The following GXYLT2 variants were observed in gnomAD, a reference collection of about 807,000 sequenced individuals.
GXYLT2 encodes the protein glucoside xylosyltransferase 2.
In GXYLT2, 53 loss-of-function variants were observed where a neutral mutation model predicts 45.8. The ratio of observed to expected loss-of-function variants is 1.16; its 90% confidence interval spans 0.93 to 1.46. GXYLT2 has a LOEUF of 1.46. GXYLT2 is among the 40% of genes most tolerant of loss of function. GXYLT2 has a pLI of 0.00. For missense variants in GXYLT2, 551 were observed against 544.4 expected (o/e 1.01, Z -0.12); for synonymous variants, 219 against 214.2 (o/e 1.02, Z -0.19).
At chr3:72,950,439 C>T (rs1255994173) in intron 3 of GXYLT2, among the ~76,000 whole-genome samples, 6 of 151,912 alleles carry the variant, frequency 3.9e-5, no homozygotes, top group South Asian at 4.2e-4. Context: ...CCAGCCCAGG[C>T]GACAGTGCGA....
intron 1 of GXYLT2, among the ~76,000 whole-genome samples, chr3:72,889,603 G>T (rs1283718412): frequency 2.6e-5 from 4 of 152,066 alleles, no homozygotes; most frequent in Non-Finnish European, 5.9e-5. Flanking sequence ...AGCCCTTTCT[G>T]GATGTATACA....
At chr3:72,927,482 A>AGTTAG (rs1207268559) in intron 3 of GXYLT2, among the ~76,000 whole-genome samples, 1 of 152,186 alleles carries the variant, frequency 6.6e-6, no homozygotes, top group Non-Finnish European at 1.5e-5. Flanking sequence ...TGTCTTCATG[A>AGTTAG]GTTAGCTGTA....
chr3:72,962,076 CCTTATT>C (rs1710781963), intron 5 of GXYLT2, among the ~76,000 whole-genome samples: 2 of 152,132 alleles, frequency 1.3e-5, no homozygotes, highest in African/African-American at 4.8e-5. Context: ...TCCAGGAGGG[CCTTATT>C]CTCATCCTGC....
chr3:72,895,922 C>T (rs999436390), intron 1 of GXYLT2, among the ~76,000 whole-genome samples: 7 of 152,110 alleles, frequency 4.6e-5, no homozygotes, highest in African/African-American at 1.4e-4. Context: ...ATAATCCAAG[C>T]TTTACATAAG....
intron 3 of GXYLT2, among the ~76,000 whole-genome samples, chr3:72,939,905 C>T (rs986445743): frequency 6.6e-6 from 1 of 152,170 alleles, no homozygotes; most frequent in African/African-American, 2.4e-5. Context: ...TATTCTTGAA[C>T]TCCTAGGCTC....
intron 1 of GXYLT2, among the ~76,000 whole-genome samples, chr3:72,898,022 G>A (rs914047953): frequency 4.6e-5 from 7 of 151,844 alleles, no homozygotes; most frequent in African/African-American, 1.7e-4. Flanking sequence ...ACATATATTG[G>A]GTATAACTCT....
chr3:72,904,665 G>T (rs1053330617), intron 1 of GXYLT2, among the ~76,000 whole-genome samples: 2 of 151,056 alleles, frequency 1.3e-5, no homozygotes, highest in Non-Finnish European at 2.9e-5. Flanking sequence ...AAAGTCAAAT[G>T]GTTTGGGGCC....
rs144164176 is a variant in GXYLT2, at chr3:72,902,897, C to T, written c.276-5470C>T. ...GTGTGGTGGTGGGCACCTGTAATCC[C>T]AGCTACTCGGGAGGCTGAGGCAGGA... On this transcript the variant is annotated intron_variant, in intron 1 of 6. Transcript: ENST00000389617. Among the ~76,000 whole-genome samples, 1,318 of 152,238 alleles carry T rather than the reference C, an allele frequency of 8.7e-3. 24 individuals carry two copies. The highest frequency in any genetic ancestry group is 0.031 in the African/African-American group (1,272 of 41,544).
At chr3:72,934,419 C>A (rs958700967) in intron 3 of GXYLT2, among the ~76,000 whole-genome samples, 3 of 152,046 alleles carry the variant, frequency 2.0e-5, no homozygotes, top group African/African-American at 7.2e-5. Flanking sequence ...TAAATATATT[C>A]TAGGACAACC....
intron 3 of GXYLT2, chr3:72,929,235 A>G: frequency 6.4e-7 from 1 of 1,557,596 alleles, no homozygotes; most frequent in African/African-American, 1.3e-5. Flanking sequence ...GAGGAGAGGG[A>G]ACATGCCGAG....
At chr3:72,961,554 G>C (rs1710769387) in intron 5 of GXYLT2, among the ~76,000 whole-genome samples, 1 of 148,314 alleles carries the variant, frequency 6.7e-6, no homozygotes, top group South Asian at 2.1e-4. Context: ...CACATTCTCT[G>C]TTTGCCCATG....
At chr3:72,925,554 T>G (rs1709904203) in intron 3 of GXYLT2, among the ~76,000 whole-genome samples, 1 of 152,124 alleles carries the variant, frequency 6.6e-6, no homozygotes, top group South Asian at 2.1e-4. Context: ...AATCTCTAGG[T>G]TGGTGATATA....
chr3:72,955,369 T>C lies in GXYLT2; in HGVS notation c.852+20T>C, dbSNP rs2107141771. 1 of 1,609,514 alleles carries C rather than the reference T, an allele frequency of 6.2e-7. No individual in the cohort carries two copies. Among genetic ancestry groups the C allele is most frequent in the Non-Finnish European group, 8.5e-7 (1 of 1,176,786 alleles). On this transcript the variant is annotated intron_variant, in intron 4 of 6. Coordinates refer to ENST00000389617, the MANE Select transcript of GXYLT2 (RefSeq NM_001080393.2). ...TTCAAGGTAAACGAGTGCTTTAAAA[T>C]TCCTTGTTTAAAGACTGGGAGTTGG...
chr3:72,973,209 G>C (rs1472627237), intron 6 of GXYLT2, among the ~76,000 whole-genome samples: 1 of 152,196 alleles, frequency 6.6e-6, no homozygotes, highest in East Asian at 1.9e-4. Context: ...TCTACCAGCT[G>C]GGGGAGGGGC....
intron 6 of GXYLT2, 60 bp from the exon 7 acceptor site, chr3:72,974,917 G>C (rs913225225): frequency 6.5e-6 from 8 of 1,232,096 alleles, no homozygotes; most frequent in Non-Finnish European, 8.1e-6. Flanking sequence ...TAGTAAAAAT[G>C]ATCTGCATTT....
At chr3:72,947,404 G>A (rs1017063181) in intron 3 of GXYLT2, among the ~76,000 whole-genome samples, 3 of 152,128 alleles carry the variant, frequency 2.0e-5, no homozygotes, top group African/African-American at 7.2e-5. Context: ...TGTGCTACGC[G>A]GTGGAGGAAC....
In GXYLT2 at chr3:72,915,361, G is replaced by C. The variant is rs369647085; in HGVS notation, c.468+6802G>C. Reference sequence around the variant, plus strand: ...TCCTTTTTTTTTTTTTTTTGCGGGGGGGGGGGGGATTTAGGAAAAATAGCC... The same window carrying C: ...TCCTTTTTTTTTTTTTTTTGCGGGGCGGGGGGGGATTTAGGAAAAATAGCC... On this transcript the variant is annotated intron_variant, in intron 2 of 6. Transcript: ENST00000389617. 4.3e-3 allele frequency among the ~76,000 whole-genome samples: 533 copies of C among 122,960 alleles called. 29 individuals carry two copies. The highest frequency in any genetic ancestry group is 0.012 in the Middle Eastern group (3 of 256). The allele number at this position is 122,960 out of a possible 152,430, so 80.7% of individuals were successfully genotyped here.
intron 1 of GXYLT2, among the ~76,000 whole-genome samples, chr3:72,903,940 C>T (rs1709454411): frequency 6.6e-6 from 1 of 152,178 alleles, no homozygotes; most frequent in Non-Finnish European, 1.5e-5. Context: ...GGGTCAGATG[C>T]ACCTAGATCC....
At chr3:72,891,497 C>T (rs1709182199) in intron 1 of GXYLT2, among the ~76,000 whole-genome samples, 2 of 152,160 alleles carry the variant, frequency 1.3e-5, no homozygotes, top group Non-Finnish European at 2.9e-5. Context: ...CTGTGGTGGC[C>T]TCCTTCTCTA....
Sources: gnomAD v4.1 joint callset for allele counts (sites outside exome capture counted in the v4.1 genomes callset) on GRCh38, gnomAD v4.1.1 for gene constraint, MANE v1.5 for transcripts, NCBI Gene and HGNC (gene_info 2026-07-23, HGNC 2026-07-21) for gene names.